LMBR1: variants seen among roughly 807,000 people sequenced by gnomAD.
The protein encoded by LMBR1 is limb development membrane protein 1, also known as limb region 1 protein homolog.
In LMBR1, 52 loss-of-function variants were observed where a neutral mutation model predicts 73.9. That is an observed-to-expected ratio of 0.70 (90% CI 0.56 to 0.89). The LOEUF is 0.89. Among genes scored for constraint, LMBR1 ranks in the 40% least tolerant of loss-of-function variants. The pLI is 0.00. For missense variants in LMBR1, 539 were observed against 579.8 expected (o/e 0.93, Z 0.72); for synonymous variants, 215 against 209.4 (o/e 1.03, Z -0.23).
At position 156,833,705 on chromosome 7, in the gene LMBR1, G is replaced by A. The variant is rs544033808; in HGVS notation, c.179+48C>T. On this transcript the variant is annotated intron_variant, in intron 3 of 16. Transcript: ENST00000353442. ...AAATTAGAATTGGATTTTGAGAATTGATGACTTCAGAATCAGAAACAGAAC... is the reference window on the plus strand; with the variant it reads ...AAATTAGAATTGGATTTTGAGAATTAATGACTTCAGAATCAGAAACAGAAC... 2.8e-5 allele frequency: 39 copies of A among 1,393,192 alleles called. No individual in the cohort carries two copies. The East Asian group carries it at 7.4e-4, about 26-fold the overall frequency. 86.3% of individuals were successfully genotyped at this position (1,393,192 alleles called of 1,614,324 possible). A position where few individuals can be genotyped will look rare whatever the true frequency, so the allele number is the denominator to read the frequency against.
chr7:156,780,158 A>C (rs1212531787), intron 5 of LMBR1, among the ~76,000 whole-genome samples: 1 of 152,214 alleles, frequency 6.6e-6, no homozygotes, highest in Non-Finnish European at 1.5e-5. Context: ...TAAAACAGTG[A>C]AATGTTTTTT....
chr7:156,764,700 T>C (rs560507238), intron 5 of LMBR1, among the ~76,000 whole-genome samples: 138 of 152,386 alleles, frequency 9.1e-4, no homozygotes, highest in Admixed American at 7.0e-3. Context: ...ATATGAGTTA[T>C]AAAATTCCAA....
rs2131823566 is a variant in LMBR1, at chr7:156,680,701, G to C, written c.*3377C>G. On this transcript the variant is annotated 3_prime_UTR_variant, in exon 17 of 17. Transcript: ENST00000353442. Reference sequence around the variant, plus strand: ...TTGATCTACCAATAACTGCACAACAGAGAAAGAAAATATCCATTTCTTAAT... The same window carrying C: ...TTGATCTACCAATAACTGCACAACACAGAAAGAAAATATCCATTTCTTAAT... 6.2e-6 allele frequency: 1 copy of C among 160,074 alleles called. No homozygotes were observed. Among genetic ancestry groups the C allele is most frequent in the Admixed American group, 6.5e-5 (1 of 15,348 alleles). 9.9% of individuals were successfully genotyped at this position (160,074 alleles called of 1,614,324 possible).
At chr7:156,865,874 G>A (rs1218365976) in intron 1 of LMBR1, among the ~76,000 whole-genome samples, 4 of 152,022 alleles carry the variant, frequency 2.6e-5, no homozygotes, top group African/African-American at 9.7e-5. Flanking sequence ...GGAACAACTG[G>A]ATATCCATAT....
intron 4 of LMBR1, among the ~76,000 whole-genome samples, chr7:156,800,321 C>T (rs1223811757): frequency 1.3e-5 from 2 of 152,050 alleles, no homozygotes; most frequent in Non-Finnish European, 2.9e-5. Context: ...GAAGCCAGTG[C>T]TCATTCACCA....
At chr7:156,878,372 T>C (rs1055930581) in intron 1 of LMBR1, among the ~76,000 whole-genome samples, 9 of 152,164 alleles carry the variant, frequency 5.9e-5, no homozygotes, top group East Asian at 1.9e-4. Flanking sequence ...ACAAAATTAA[T>C]GTACACAAAT....
rs1475397524 is a variant in LMBR1, at chr7:156,683,380, A to T, written c.*698T>A. ...ACTGTCATTAAACTGTGATTACATG[A>T]TACTTCCTACCACAGCTTATTAGAC... On this transcript the variant is annotated 3_prime_UTR_variant, in exon 17 of 17. Transcript: ENST00000353442. 6.6e-6 allele frequency: 1 copy of T among 152,662 alleles called. No individual in the cohort carries two copies. Among genetic ancestry groups the T allele is most frequent in the East Asian group, 1.9e-4 (1 of 5,200 alleles). 9.5% of individuals were successfully genotyped at this position (152,662 alleles called of 1,614,324 possible).
chr7:156,777,297 C>G (rs1339882494), intron 5 of LMBR1, among the ~76,000 whole-genome samples: 1 of 152,174 alleles, frequency 6.6e-6, no homozygotes, highest in Non-Finnish European at 1.5e-5. Context: ...CCTCTACTTC[C>G]TTCCAACTAC....
At position 156,864,983 on chromosome 7, in the gene LMBR1, G is replaced by A. The variant is rs559970026; in HGVS notation, c.66+27945C>T. Among the ~76,000 whole-genome samples the A allele has an allele frequency of 1.1e-4, 16 of 142,182 alleles. No homozygotes were observed. In the East Asian group the frequency reaches 2.5e-3, roughly 22 times the overall value. 93.3% of individuals were successfully genotyped at this position (142,182 alleles called of 152,430 possible). On this transcript the variant is annotated intron_variant, in intron 1 of 16. Coordinates refer to ENST00000353442, the MANE Select transcript of LMBR1 (RefSeq NM_022458.4). ...TGCACTTCAGCCTGGGTGACAGCGC[G>A]AGACTCTGTCTCAAAAAAAAAAAAA... is the stretch of plus-strand genomic sequence containing the variant.
chr7:156,776,928 C>CT (rs59567598), intron 5 of LMBR1, among the ~76,000 whole-genome samples: 16,834 of 142,444 alleles, frequency 0.12, 947 homozygotes, highest in East Asian at 0.14. Flanking sequence ...ATTTTCACAA[C>CT]TTTTTTTTTT....
chr7:156,713,555 A>C (rs1305397910), intron 15 of LMBR1, among the ~76,000 whole-genome samples: 1 of 152,022 alleles, frequency 6.6e-6, no homozygotes, highest in Non-Finnish European at 1.5e-5. Context: ...AACTGCTCTA[A>C]AAAATCTGTC....
chr7:156,892,869 G>C, intron 1 of LMBR1, 59 bp downstream of exon 1: 1 of 1,313,182 alleles, frequency 7.6e-7, no homozygotes, highest in Non-Finnish European at 9.9e-7. Flanking sequence ...CCCGGGGGCG[G>C]GGACGGAGGG....
At position 156,779,210 on chromosome 7, in the gene LMBR1, T is replaced by C. The variant is rs1486358385; in HGVS notation, c.424-15415A>G. Among the ~76,000 whole-genome samples, 1 of 152,192 alleles carries C rather than the reference T, an allele frequency of 6.6e-6. No homozygotes were observed. The highest frequency in any genetic ancestry group is 2.4e-5 in the African/African-American group (1 of 41,444). ...GATTTCATGAACTTCACAATATTTT[T>C]ATTTCCCAGTATGAACACTTATCCT... On this transcript the variant is annotated intron_variant, in intron 5 of 16. Coordinates refer to ENST00000353442, the MANE Select transcript of LMBR1 (RefSeq NM_022458.4).
chr7:156,675,915 G>A, downstream of LMBR1: 1 of 1,573,502 alleles, frequency 6.4e-7, no homozygotes, highest in South Asian at 1.1e-5. Context: ...CAGCTGCAGA[G>A]GCTGTGGGGA....
Position 156,763,746 on chromosome 7 carries a change from G to C in LMBR1, c.473C>G (p.Ala158Gly), listed in dbSNP as rs776470632. ...LETLVMLLLLALLILGIVWVA... is the reference protein window; with the variant it reads ...LETLVMLLLLGLLILGIVWVA... ...CCACACTATCCCAAGAATGAGTAAC[G>C]CAAGAAGAAGAAGCATGACCAAAGT... The change falls in exon 6 of 17, where the codon GCG becomes GGG. Residue 158 changes from alanine to glycine, a missense_variant. Around this residue, in one of 3 missense-constraint regions of LMBR1, gnomAD observed 454 missense variants for 473.4 expected, o/e 0.96. Coordinates refer to ENST00000353442, the MANE Select transcript of LMBR1 (RefSeq NM_022458.4). 11 of 1,605,428 alleles carry C rather than the reference G, an allele frequency of 6.9e-6. No homozygotes were observed. Among genetic ancestry groups the C allele is most frequent in the African/African-American group, 2.7e-5 (2 of 74,414 alleles).
At chr7:156,772,048 G>T (rs1386928639) in intron 5 of LMBR1, among the ~76,000 whole-genome samples, 9 of 152,258 alleles carry the variant, frequency 5.9e-5, no homozygotes, top group African/African-American at 1.9e-4. Context: ...GGCTGAGGCA[G>T]GTGGATCATG....
chr7:156,800,360 T>C (rs1321571155), intron 4 of LMBR1, among the ~76,000 whole-genome samples: 1 of 151,710 alleles, frequency 6.6e-6, no homozygotes, highest in African/African-American at 2.4e-5. Context: ...CCTTAAGAAT[T>C]ATCCTAAGCC....
chr7:156,890,577 CA>C (rs1329397059), intron 1 of LMBR1, among the ~76,000 whole-genome samples: 1 of 151,484 alleles, frequency 6.6e-6, no homozygotes, highest in African/African-American at 2.4e-5. Context: ...GGCTAATAAA[CA>C]AACAGGTGCT....
intron 15 of LMBR1, 60 bp downstream of exon 15, chr7:156,724,052 C>T (rs1327239257): frequency 8.5e-7 from 1 of 1,175,464 alleles, no homozygotes; most frequent in Non-Finnish European, 1.2e-6. Flanking sequence ...TAAATAAGTT[C>T]AGTAAAGACA....
Sources: allele counts gnomAD v4.1 joint callset (sites outside exome capture counted in the v4.1 genomes callset), GRCh38; gene constraint gnomAD v4.1.1; regional missense constraint gnomAD v4.1.1; transcripts MANE v1.5; gene names NCBI Gene and HGNC (gene_info 2026-07-23, HGNC 2026-07-21).